The following ULK4 variants were observed in gnomAD, a reference collection of about 807,000 sequenced individuals.
ULK4 encodes the protein unc-51 like kinase 4, also known as inactive serine/threonine-protein kinase ULK4.
ULK4 carries 133 observed loss-of-function variants against 160.6 expected under a neutral mutation model. The observed-to-expected ratio is 0.83, with a 90% CI of 0.72 to 0.96. The LOEUF (loss-of-function observed/expected upper bound fraction) is 0.96, where lower values mean the gene tolerates loss of function less well. Among genes scored for constraint, ULK4 ranks in the 40% least tolerant of loss-of-function variants. The pLI, the probability that ULK4 is intolerant of heterozygous loss-of-function variation, is 0.00. For synonymous variants in ULK4, 534 were observed against 539.8 expected (o/e 0.99, Z 0.15); for missense variants, 1,580 against 1,499.5 (o/e 1.05, Z -0.89).
intron 34 of ULK4, among the ~76,000 whole-genome samples, chr3:41,445,405 T>C (rs988162937): frequency 4.3e-4 from 65 of 152,134 alleles, no homozygotes; most frequent in African/African-American, 1.1e-3. Context: ...AAAAAGAGCC[T>C]GCATCGCCAA....
At chr3:41,558,904 T>G (rs56711942) in intron 32 of ULK4, among the ~76,000 whole-genome samples, 1 of 148,858 alleles carries the variant, frequency 6.7e-6, no homozygotes, top group East Asian at 2.0e-4. Context: ...ACTTTAAGTT[T>G]TAGGGTACAT....
chr3:41,786,648 A>T (rs892855683), intron 21 of ULK4, among the ~76,000 whole-genome samples: 1 of 151,942 alleles, frequency 6.6e-6, no homozygotes. Context: ...AAATTTTTTA[A>T]TTGTTAATCT....
At chr3:41,683,061 T>C (rs778910312) in intron 27 of ULK4, among the ~76,000 whole-genome samples, 2 of 152,130 alleles carry the variant, frequency 1.3e-5, no homozygotes, top group African/African-American at 2.4e-5. Flanking sequence ...CTCCAGCTCA[T>C]CCCTGCTACA....
At chr3:41,653,379 G>A (rs1463520215) in intron 30 of ULK4, among the ~76,000 whole-genome samples, 1 of 152,134 alleles carries the variant, frequency 6.6e-6, no homozygotes, top group Non-Finnish European at 1.5e-5. Flanking sequence ...TCTGCCCCCT[G>A]ACTGGCCCTG....
intron 23 of ULK4, among the ~76,000 whole-genome samples, chr3:41,717,523 A>C (rs528709735): frequency 6.6e-6 from 1 of 152,330 alleles, no homozygotes; most frequent in Admixed American, 6.5e-5. Flanking sequence ...GCATTGTCTC[A>C]TCATGCCTCA....
At chr3:41,792,344 G>A (rs2125594608) in intron 20 of ULK4, among the ~76,000 whole-genome samples, 1 of 152,116 alleles carries the variant, frequency 6.6e-6, no homozygotes, top group East Asian at 1.9e-4. Context: ...TTTTAAAAAT[G>A]AGTCTAAAAT....
At chr3:41,420,471 C>CTTTTTTTTTTTTTTTTTTTTTTTTT (rs1339143112) in intron 34 of ULK4, among the ~76,000 whole-genome samples, 1 of 63,248 alleles carries the variant, frequency 1.6e-5, no homozygotes, top group African/African-American at 6.5e-5. Context: ...TTTTCCAGTT[C>CTTTTTTTTTTTTTTTTTTTTTTTTT]TTTCTTTTTT....
chr3:41,350,406 A>G (rs1275685690), intron 35 of ULK4, among the ~76,000 whole-genome samples: 1 of 152,214 alleles, frequency 6.6e-6, no homozygotes, highest in Admixed American at 6.5e-5. Flanking sequence ...AACAGAAATA[A>G]TCTTTATAAA....
At chr3:41,872,878 G>C (rs1697150327) in intron 17 of ULK4, among the ~76,000 whole-genome samples, 1 of 152,156 alleles carries the variant, frequency 6.6e-6, no homozygotes, top group Admixed American at 6.5e-5. Flanking sequence ...ACTTCGGCTG[G>C]GCGCAGTGGC....
At position 41,559,761 on chromosome 3, in the gene ULK4, T is replaced by C. The variant is rs142035121; in HGVS notation, c.3226+6264A>G. On this transcript the variant is annotated intron_variant, in intron 32 of 36. Transcript: ENST00000301831. ...TAAATTTGTTTAAGTTCTTTGCAGA[T>C]TCTGGATATTAGCCCTTTGTCAGAT... Among the ~76,000 whole-genome samples the C allele has an allele frequency of 4.0e-3, 603 of 152,362 alleles. 6 individuals are homozygous for C. Among genetic ancestry groups the C allele is most frequent in the African/African-American group, 0.014 (567 of 41,590 alleles).
At chr3:41,950,057 A>C (rs1008791701) in intron 2 of ULK4, among the ~76,000 whole-genome samples, 1 of 151,524 alleles carries the variant, frequency 6.6e-6, no homozygotes, top group African/African-American at 2.4e-5. Context: ...GTTTTGATTG[A>C]TGCAGGTACT....
At chr3:41,305,565 C>G (rs567501514) in intron 35 of ULK4, among the ~76,000 whole-genome samples, 19 of 152,314 alleles carry the variant, frequency 1.2e-4, no homozygotes, top group African/African-American at 4.6e-4. Flanking sequence ...GATCTCGGCT[C>G]GCTACAACGT....
intron 5 of ULK4, among the ~76,000 whole-genome samples, chr3:41,920,590 C>G: frequency 6.6e-6 from 1 of 152,160 alleles, no homozygotes; most frequent in South Asian, 2.1e-4. Flanking sequence ...CCTGCCAAGA[C>G]CCAGGGTCCT....
chr3:41,847,401 G>T (rs544608579), intron 17 of ULK4, among the ~76,000 whole-genome samples: 1 of 152,168 alleles, frequency 6.6e-6, no homozygotes, highest in Non-Finnish European at 1.5e-5. Context: ...AAAAGAAACT[G>T]AATTAATCTC....
At chr3:41,302,812 GATCT>G (rs1221376556) in intron 35 of ULK4, among the ~76,000 whole-genome samples, 3 of 152,156 alleles carry the variant, frequency 2.0e-5, no homozygotes, top group Non-Finnish European at 4.4e-5. Flanking sequence ...GCACTTCAGT[GATCT>G]ATGTTAGCAA....
rs1553628731 is a variant in ULK4 at position 41,658,737 on chromosome 3, A to ACACACACACACACACACTCTCT, written c.3071+4869_3071+4870insAGAGAGTGTGTGTGTGTGTGTG. Among the ~76,000 whole-genome samples the ACACACACACACACACACTCTCT allele has an allele frequency of 3.7e-3, 554 of 151,176 alleles. 4 individuals are homozygous for ACACACACACACACACACTCTCT. In the East Asian group the frequency reaches 0.045, roughly 12 times the overall value. On this transcript the variant is annotated intron_variant, in intron 30 of 36. Coordinates refer to ENST00000301831, the MANE Select transcript of ULK4 (RefSeq NM_017886.4). ...TGTATGTGAAAAACAGTACACACAC[A>ACACACACACACACACACTCTCT]CACACACACACACACACACACATAT...
intron 35 of ULK4, among the ~76,000 whole-genome samples, chr3:41,387,977 T>G (rs1213738243): frequency 1.3e-5 from 2 of 152,222 alleles, no homozygotes; most frequent in African/African-American, 2.4e-5. Flanking sequence ...TGAACTAGTT[T>G]ACAGTCACAC....
chr3:41,525,427 T>G (rs2086079209), intron 32 of ULK4, among the ~76,000 whole-genome samples: 1 of 152,236 alleles, frequency 6.6e-6, no homozygotes, highest in Non-Finnish European at 1.5e-5. Context: ...ACAGCCGACC[T>G]GTATGAATGG....
At chr3:41,812,340 A>T (rs2040842835) in intron 19 of ULK4, among the ~76,000 whole-genome samples, 2 of 152,208 alleles carry the variant, frequency 1.3e-5, no homozygotes, top group African/African-American at 2.4e-5. Flanking sequence ...GAGACATGTT[A>T]GATCTTTTTG....
Sources: allele counts gnomAD v4.1 joint callset (sites outside exome capture counted in the v4.1 genomes callset), GRCh38; gene constraint gnomAD v4.1.1; transcripts MANE v1.5; gene names NCBI Gene and HGNC (gene_info 2026-07-23, HGNC 2026-07-21).